Variants in ATP6AP2 observed in about 807,000 individuals in gnomAD.
ATP6AP2 encodes the protein ATPase H+ transporting accessory protein 2, also known as renin receptor.
ATP6AP2 carries 1 observed loss-of-function variant against 23.4 expected under a neutral mutation model. The observed-to-expected ratio is 0.04, with a 90% CI of 0.02 to 0.20. The LOEUF (loss-of-function observed/expected upper bound fraction) is 0.20. Among genes scored for constraint, ATP6AP2 ranks in the 10% least tolerant of loss-of-function variants. The pLI, the probability that ATP6AP2 is intolerant of heterozygous loss-of-function variation, is 1.00. For missense variants in ATP6AP2, 174 were observed against 271.3 expected (o/e 0.64, Z 2.52); for synonymous variants, 90 against 97.1 (o/e 0.93, Z 0.43).
At chrX:40,584,670 C>T (rs1002192837) in intron 1 of ATP6AP2, among the ~76,000 whole-genome samples, 1 of 110,903 alleles carries the variant, frequency 9.0e-6, no homozygotes, top group South Asian at 3.8e-4. Flanking sequence ...TTAGTGGAGA[C>T]GGGGTTTCTC....
At position 40,606,652 on chromosome X, in the gene ATP6AP2, G is replaced by C. The variant is rs1216820074; in HGVS notation, c.*897G>C. On this transcript the variant is annotated 3_prime_UTR_variant, in exon 9 of 9. Coordinates refer to ENST00000636580, the MANE Select transcript of ATP6AP2 (RefSeq NM_005765.3). Reference sequence around the variant, plus strand: ...ATGATTCCAAATTTGTGTCATTGCAGTACTAAATCTATTTTATATTGTAAA... The same window carrying C: ...ATGATTCCAAATTTGTGTCATTGCACTACTAAATCTATTTTATATTGTAAA... 8.9e-6 allele frequency: 1 copy of C among 111,951 alleles called. No individual in the cohort carries two copies. Among genetic ancestry groups the C allele is most frequent in the Non-Finnish European group, 1.9e-5 (1 of 53,117 alleles). 9.2% of individuals were successfully genotyped at this position (111,951 alleles called of 1,213,427 possible).
intron 1 of ATP6AP2, among the ~76,000 whole-genome samples, chrX:40,588,348 C>T (rs1244769574): frequency 5.7e-5 from 4 of 69,639 alleles, no homozygotes; most frequent in Admixed American, 2.1e-4. Context: ...CCCCCCCCCC[C>T]CAACATTTGA....
rs3762808 is a variant in ATP6AP2 at position 40,598,014 on chromosome X, G to A, written c.534+350G>A. The A allele has an allele frequency of 9.4e-5, 22 of 234,600 alleles. No individual in the cohort carries two copies. The East Asian group carries it at 2.4e-3, about 25-fold the overall frequency. 19.3% of individuals were successfully genotyped at this position (234,600 alleles called of 1,213,427 possible). ...GGTAAATAACATCACATTTTAGCAC[G>A]AGGGTTGCCACCTATTAATTCAAAC... On this transcript the variant is annotated intron_variant, in intron 5 of 8. Transcript: ENST00000636580.
At chrX:40,587,231 C>A (rs1013486087) in intron 1 of ATP6AP2, among the ~76,000 whole-genome samples, 2 of 112,357 alleles carry the variant, frequency 1.8e-5, no homozygotes, top group Admixed American at 1.9e-4. Flanking sequence ...TATTGTGCCA[C>A]TGCACTCCAG....
chrX:40,600,534 G>A (rs1031658893), intron 7 of ATP6AP2: 2 of 283,544 alleles, frequency 7.1e-6, no homozygotes, highest in African/African-American at 5.5e-5. Context: ...CTGCACAAAA[G>A]CTTTAAAAAT....
intron 1 of ATP6AP2, among the ~76,000 whole-genome samples, chrX:40,584,304 C>T (rs758914687): frequency 3.6e-5 from 4 of 110,365 alleles, no homozygotes; most frequent in African/African-American, 1.3e-4. Context: ...GATCCTCCTC[C>T]TCAGCCTCCC....
chrX:40,592,821 A>T (rs1382887857), intron 3 of ATP6AP2, among the ~76,000 whole-genome samples: 1 of 110,477 alleles, frequency 9.1e-6, no homozygotes, highest in African/African-American at 3.3e-5. Flanking sequence ...CACATGGCAT[A>T]CTTAGAAAAA....
Position 40,600,800 on chromosome X carries a change from A to G in ATP6AP2, c.777A>G (p.Ala259=). The stretch of plus-strand genomic sequence containing the variant: ...TGTACAGTCTTTATGGTGGGAATGC[A>G]GTGGTAGAGTTAGTCACTGTCAAGT... The part of the protein sequence containing the change: ...DDMYSLYGGN[A]VVELVTVKSF... The change falls in exon 8 of 9, where the codon GCA becomes GCG. Residue 259 remains alanine (A), a synonymous_variant. Coordinates refer to ENST00000636580, the MANE Select transcript of ATP6AP2 (RefSeq NM_005765.3). The G allele has an allele frequency of 8.3e-7, 1 of 1,207,059 alleles. No individual in the cohort carries two copies.
At chrX:40,581,285 C>G (rs954920397) in intron 1 of ATP6AP2, among the ~76,000 whole-genome samples, 183 bp downstream of exon 1, 10 of 113,389 alleles carry the variant, frequency 8.8e-5, no homozygotes, top group African/African-American at 3.2e-4. Flanking sequence ...GCGGCGCGGC[C>G]TCACGGGCCG....
intron 6 of ATP6AP2, 125 bp from the exon 7 acceptor site, chrX:40,599,467 T>C (rs1926849701): frequency 7.5e-6 from 6 of 805,287 alleles, no homozygotes; most frequent in African/African-American, 2.0e-5. Context: ...TATTTGCATG[T>C]TGTGGTACAC....
intron 3 of ATP6AP2, among the ~76,000 whole-genome samples, chrX:40,596,229 T>C (rs1288359028): frequency 1.8e-5 from 2 of 111,371 alleles, no homozygotes; most frequent in African/African-American, 6.5e-5. Flanking sequence ...CATAATCACA[T>C]TGATTTCTGC....
chrX:40,590,081 C>CAA (rs1469932163), intron 2 of ATP6AP2: 1 of 111,510 alleles, frequency 9.0e-6, no homozygotes, highest in Non-Finnish European at 1.9e-5. Flanking sequence ...CTGGCTGTGT[C>CAA]ACCCAAGCTG....
intron 1 of ATP6AP2, among the ~76,000 whole-genome samples, chrX:40,583,868 A>G (rs1280075324): frequency 8.9e-6 from 1 of 111,748 alleles, no homozygotes; most frequent in East Asian, 2.8e-4. Context: ...ATCCTTCAAG[A>G]TAGAATACAG....
chrX:40,583,609 G>A (rs1386126632), intron 1 of ATP6AP2, among the ~76,000 whole-genome samples: 1 of 111,582 alleles, frequency 9.0e-6, no homozygotes, highest in East Asian at 2.8e-4. Context: ...AAGCAGAAGG[G>A]TGAATGATCA....
At chrX:40,600,530 A>C in intron 7 of ATP6AP2, 1 of 275,830 alleles carries the variant, frequency 3.6e-6, no homozygotes, top group Non-Finnish European at 6.3e-6. Context: ...GTAGCTGCAC[A>C]AAAGCTTTAA....
chrX:40,594,629 A>G lies in ATP6AP2; in HGVS notation c.301-2620A>G, dbSNP rs766841209. On this transcript the variant is annotated intron_variant, in intron 3 of 8. Transcript: ENST00000636580. ...TGAGAGAGCTAAAGCCTCATTTTCT[A>G]TAATGGATAGTAAATAGACAAGACC... Among the ~76,000 whole-genome samples, 3 of 112,493 alleles carry G rather than the reference A, an allele frequency of 2.7e-5. No individual in the cohort carries two copies. The East Asian group carries it at 8.3e-4, about 31-fold the overall frequency.
chrX:40,593,727 C>T (rs1473860935), intron 3 of ATP6AP2, among the ~76,000 whole-genome samples: 1 of 110,412 alleles, frequency 9.1e-6, no homozygotes, highest in Non-Finnish European at 1.9e-5. Flanking sequence ...AGGCTGGTCT[C>T]GAACTCCTGA....
chrX:40,601,274 C>T (rs1926897759), intron 8 of ATP6AP2, among the ~76,000 whole-genome samples: 1 of 110,389 alleles, frequency 9.1e-6, no homozygotes, highest in Non-Finnish European at 1.9e-5. Context: ...TGAGGCCAGT[C>T]TGAGGAAACA....
rs1351897356 is a variant in ATP6AP2 at position 40,602,913 on chromosome X, C to CTT, written c.858+2059_858+2060dup. On this transcript the variant is annotated intron_variant, in intron 8 of 8. Transcript: ENST00000636580. ...GAGTGGGGATGCCTCCCAGAGAATT[C>CTT]TTTTTTTTTTTTTTTTTTTTTTTTT... is the stretch of plus-strand genomic sequence containing the variant. Among the ~76,000 whole-genome samples the CTT allele has an allele frequency of 8.0e-4, 36 of 45,222 alleles. 1 individual carries two copies. The highest frequency in any genetic ancestry group is 2.6e-3 in the East Asian group (3 of 1,166). 39.3% of individuals were successfully genotyped at this position (45,222 alleles called of 115,157 possible).
Sources: gnomAD v4.1 joint callset for allele counts (sites outside exome capture counted in the v4.1 genomes callset) on GRCh38, gnomAD v4.1.1 for gene constraint, MANE v1.5 for transcripts, NCBI Gene and HGNC (gene_info 2026-07-23, HGNC 2026-07-21) for gene names.